Variants in UROS observed in about 807,000 individuals in gnomAD.
UROS encodes the protein uroporphyrinogen III synthase.
Under a neutral mutation model 33.0 loss-of-function variants are expected in UROS, and 18 were observed. That is an observed-to-expected ratio of 0.55 (90% CI 0.38 to 0.81). UROS has a LOEUF of 0.81. UROS is among the 30% of genes least tolerant of loss of function. The probability of loss-of-function intolerance (pLI) is 0.00; values close to 1 mark genes in which losing one functional copy is unlikely to be tolerated. For synonymous variants in UROS, 114 were observed against 121.1 expected, an observed-to-expected ratio of 0.94 and a Z score of 0.38; for missense variants, 293 against 314.9, an observed-to-expected ratio of 0.93 and a Z score of 0.53.
At chr10:125,786,392 C>T (rs1043006173), downstream of UROS, among the ~76,000 whole-genome samples, 1 of 151,970 alleles carries the variant, frequency 6.6e-6, no homozygotes, top group Non-Finnish European at 1.5e-5. Flanking sequence ...ATTCTCCTGC[C>T]TCAGCCTCCC....
intron 6 of UROS, among the ~76,000 whole-genome samples, chr10:125,806,711 G>C (rs536402297): frequency 7.4e-4 from 112 of 152,268 alleles, no homozygotes; most frequent in African/African-American, 2.5e-3. Context: ...GGGGGTGTAT[G>C]ATCTTACACC....
In UROS at chr10:125,796,099, G is replaced by A. The variant is rs564216784; in HGVS notation, c.561+4C>T. 139 of 1,614,056 alleles carry A rather than the reference G, an allele frequency of 8.6e-5. No homozygotes were observed. The highest frequency in any genetic ancestry group is 1.1e-4 in the Non-Finnish European group (128 of 1,180,014). ...TGCCAGAACCGCCCCCAAACGCCAC[G>A]TACCTGCTGGGAATAGTAGCTGTTC... On this transcript the variant is annotated splice_donor_region_variant and intron_variant, in intron 8 of 9. Coordinates refer to ENST00000368797, the MANE Select transcript of UROS (RefSeq NM_000375.3).
chr10:125,809,569 A>G (rs917221584), intron 5 of UROS, among the ~76,000 whole-genome samples: 3 of 152,236 alleles, frequency 2.0e-5, no homozygotes, highest in Non-Finnish European at 2.9e-5. Context: ...CTTGAATAAC[A>G]TCGTTTCATT....
intron 6 of UROS, among the ~76,000 whole-genome samples, chr10:125,806,571 C>T (rs1440665514): frequency 6.6e-6 from 1 of 152,226 alleles, no homozygotes; most frequent in Non-Finnish European, 1.5e-5. Flanking sequence ...GTAGTTCTGA[C>T]AGACCATTTG....
chr10:125,809,035 TTA>T (rs1325142039), intron 5 of UROS, among the ~76,000 whole-genome samples: 1 of 152,204 alleles, frequency 6.6e-6, no homozygotes, highest in African/African-American at 2.4e-5. Context: ...AGAGTATTTT[TTA>T]TATTTGAGAG....
intron 4 of UROS, among the ~76,000 whole-genome samples, chr10:125,814,226 AG>A (rs1454567387): frequency 6.6e-6 from 1 of 152,218 alleles, no homozygotes; most frequent in Non-Finnish European, 1.5e-5. Flanking sequence ...TGAGAGGTCA[AG>A]GAACTCATTA....
intron 1 of UROS, among the ~76,000 whole-genome samples, chr10:125,821,361 T>A (rs1044172173): frequency 5.3e-5 from 8 of 152,232 alleles, no homozygotes; most frequent in African/African-American, 1.9e-4. Flanking sequence ...TTTGAAGACA[T>A]CATGCTGAAT....
Position 125,788,760 on chromosome 10 carries a change from G to T in UROS, c.*108C>A. On this transcript the variant is annotated 3_prime_UTR_variant, in exon 10 of 10. Coordinates refer to ENST00000368797, the MANE Select transcript of UROS (RefSeq NM_000375.3). ...TCAGGTGCTTCCACTCAGGCTTGAG[G>T]CAGGAGTCTGACGGCAGCAGCTCCC... The T allele has an allele frequency of 6.8e-7, 1 of 1,472,624 alleles. No individual in the cohort carries two copies. The allele number at this position is 1,472,624 out of a possible 1,614,324, so 91.2% of individuals were successfully genotyped here. A position where few individuals can be genotyped will look rare whatever the true frequency, so the allele number is the denominator to read the frequency against.
At chr10:125,818,750 T>C (rs1347863869) in intron 1 of UROS, among the ~76,000 whole-genome samples, 1 of 152,176 alleles carries the variant, frequency 6.6e-6, no homozygotes, top group Non-Finnish European at 1.5e-5. Flanking sequence ...TTCCTGTACA[T>C]TGGAAAGGGG....
intron 6 of UROS, chr10:125,802,862 C>A: frequency 2.0e-6 from 3 of 1,537,858 alleles, no homozygotes; most frequent in East Asian, 2.4e-5. Context: ...CCAGCAGCCC[C>A]TTTCCCTTGG....
In UROS at chr10:125,794,947, G is replaced by C; in HGVS notation, c.593C>G (p.Pro198Arg). 1 of 1,614,170 alleles carries C rather than the reference G, an allele frequency of 6.2e-7. No individual in the cohort carries two copies. The highest frequency in any genetic ancestry group is 8.5e-7 in the Non-Finnish European group (1 of 1,180,018). The change falls in exon 9 of 10, where the codon CCC becomes CGC. Residue 198 changes from proline to arginine, a missense_variant. Transcript: ENST00000368797. ...CTTGAGACTGTATGTGAGGCCAGAG[G>C]GACTAAAAAATGTGATGCTGGCTGG... ...GVPASITFFS[P>R]SGLTYSLKHI...
At chr10:125,796,219 A>G (rs769389330) in intron 7 of UROS, 31 bp from the exon 8 acceptor site, 23 of 1,609,190 alleles carry the variant, frequency 1.4e-5, no homozygotes, top group Non-Finnish European at 2.0e-5. Context: ...GAAAGACTTT[A>G]CCGCACTGGG....
chr10:125,798,317 G>A (rs556147525), intron 6 of UROS, among the ~76,000 whole-genome samples, 172 bp from the exon 7 acceptor site: 1 of 152,292 alleles, frequency 6.6e-6, no homozygotes, highest in African/African-American at 2.4e-5. Context: ...CTACCTTGCC[G>A]AACTTGAAGG....
chr10:125,786,012 ACT>A (rs1468389205), downstream of UROS, among the ~76,000 whole-genome samples: 2 of 151,990 alleles, frequency 1.3e-5, no homozygotes, highest in African/African-American at 4.8e-5. Flanking sequence ...CTGGGGCGTT[ACT>A]CTGTTTGGAG....
At position 125,796,110 on chromosome 10, in the gene UROS, G is replaced by C. The variant is rs765083675; in HGVS notation, c.554C>G (p.Ser185Cys). 1 of 1,614,166 alleles carries C rather than the reference G, an allele frequency of 6.2e-7. No individual in the cohort carries two copies. The highest frequency in any genetic ancestry group is 2.2e-5 in the East Asian group (1 of 44,886). ...GIQGNLNSYY[S>C]QQGVPASITF... ...CCCCCAAACGCCACGTACCTGCTGG[G>C]AATAGTAGCTGTTCAGGTTCCCTTG... The change falls in exon 8 of 10, where the codon TCC (serine) becomes TGC (cysteine). Residue 185 changes from serine to cysteine, a missense_variant. Transcript: ENST00000368797.
chr10:125,794,986 G>A lies in UROS; in HGVS notation c.562-8C>T. 6.2e-7 allele frequency: 1 copy of A among 1,611,232 alleles called. No homozygotes were observed. The highest frequency in any genetic ancestry group is 8.5e-7 in the Non-Finnish European group (1 of 1,177,386). On this transcript the variant is annotated splice_polypyrimidine_tract_variant and splice_region_variant and intron_variant, in intron 8 of 9. Transcript: ENST00000368797. ...GATGCTGGCTGGAACCCCCTGTGGG[G>A]AACAGAAAACAAGATCAGTCCTTGC...
downstream of UROS, among the ~76,000 whole-genome samples, chr10:125,788,082 T>C (rs1399685407): frequency 6.6e-6 from 1 of 152,154 alleles, no homozygotes; most frequent in African/African-American, 2.4e-5. Flanking sequence ...TTCAGCCAGA[T>C]CTTTCAAGGA....
chr10:125,816,858 T>C (rs948833182), intron 1 of UROS, among the ~76,000 whole-genome samples: 1 of 152,242 alleles, frequency 6.6e-6, no homozygotes, highest in East Asian at 1.9e-4. Context: ...GAGAAATTGG[T>C]ATCTTATGTT....
intron 8 of UROS, chr10:125,795,271 GC>G (rs1851260622): frequency 2.2e-6 from 1 of 456,500 alleles, no homozygotes; most frequent in Non-Finnish European, 4.1e-6. Flanking sequence ...CCTAGACAAT[GC>G]CTCTAGCTCC....
Sources: allele counts gnomAD v4.1 joint callset (sites outside exome capture counted in the v4.1 genomes callset), GRCh38; gene constraint gnomAD v4.1.1; transcripts MANE v1.5; gene names NCBI Gene and HGNC (gene_info 2026-07-23, HGNC 2026-07-21).